Variants in LATS2 observed in about 807,000 individuals in gnomAD.
The protein encoded by LATS2 is large tumor suppressor kinase 2.
In LATS2, 24 loss-of-function variants were observed where a neutral mutation model predicts 76.0. That is an observed-to-expected ratio of 0.32 (90% CI 0.23 to 0.44). The LOEUF is 0.44. Ranked by LOEUF, LATS2 falls within the 20% of genes least tolerant of loss-of-function variation. The pLI is 1.00. For synonymous variants in LATS2, 692 were observed against 635.4 expected, an observed-to-expected ratio of 1.09 and a Z score of -1.34; for missense variants, 1,286 against 1,481.2, an observed-to-expected ratio of 0.87 and a Z score of 2.16.
At chr13:21,030,695 G>T (rs1022314123) in intron 2 of LATS2, among the ~76,000 whole-genome samples, 1 of 151,014 alleles carries the variant, frequency 6.6e-6, no homozygotes, top group Non-Finnish European at 1.5e-5. Context: ...CAGATCTATA[G>T]GTATGATAAA....
At chr13:20,999,514 G>A (rs892863532) in intron 2 of LATS2, among the ~76,000 whole-genome samples, 5 of 151,936 alleles carry the variant, frequency 3.3e-5, no homozygotes, top group Non-Finnish European at 5.9e-5. Context: ...TGTCACCCAT[G>A]CTGGAGTACA....
chr13:21,056,071 G>T (rs9552335), intron 1 of LATS2, among the ~76,000 whole-genome samples: 9,746 of 152,236 alleles, frequency 0.064, 937 homozygotes, highest in East Asian at 0.43. Context: ...AGAGAATTTG[G>T]CATTGCCATA....
At chr13:21,054,892 C>T (rs1307763679) in intron 1 of LATS2, among the ~76,000 whole-genome samples, 1 of 152,166 alleles carries the variant, frequency 6.6e-6, no homozygotes, top group Non-Finnish European at 1.5e-5. Context: ...AGGGGGAGGA[C>T]CCCACAAGCT....
chr13:21,057,635 T>TA (rs548607717), intron 1 of LATS2, among the ~76,000 whole-genome samples: 22,941 of 142,452 alleles, frequency 0.16, 2,195 homozygotes, highest in East Asian at 0.46. Flanking sequence ...CTACTAAAAG[T>TA]AAAAAAAAAA....
chr13:21,043,518 A>T (rs1336946319), intron 2 of LATS2, among the ~76,000 whole-genome samples: 1 of 152,184 alleles, frequency 6.6e-6, no homozygotes, highest in Non-Finnish European at 1.5e-5. Flanking sequence ...TGTGAGTTGG[A>T]GGGGAAAGGT....
rs950780893 is a variant in LATS2 at position 21,041,036 on chromosome 13, G to A, written c.342+4649C>T. On this transcript the variant is annotated intron_variant, in intron 2 of 7. Coordinates refer to ENST00000382592, the MANE Select transcript of LATS2 (RefSeq NM_014572.3). ...CGCCCAGGCTGGAGTACAGTGGCAC[G>A]ATCTGGGCTCACTGCAAGCTCCGCC... Among the ~76,000 whole-genome samples, 47 of 151,634 alleles carry A rather than the reference G, an allele frequency of 3.1e-4. 1 individual carries two copies. The highest frequency in any genetic ancestry group is 6.6e-5 in the Admixed American group (1 of 15,224).
intron 2 of LATS2, among the ~76,000 whole-genome samples, chr13:21,043,625 C>T (rs1025590376): frequency 6.6e-6 from 1 of 152,166 alleles, no homozygotes; most frequent in Non-Finnish European, 1.5e-5. Context: ...GGCCTTTCTG[C>T]TAGCAATTAA....
intron 2 of LATS2, among the ~76,000 whole-genome samples, chr13:21,030,822 G>A (rs1565960157): frequency 6.6e-6 from 1 of 151,982 alleles, no homozygotes; most frequent in Non-Finnish European, 1.5e-5. Context: ...TGTTTCTAGT[G>A]CTCTTCATTC....
intron 2 of LATS2, among the ~76,000 whole-genome samples, chr13:21,032,102 C>T (rs1290361055): frequency 2.6e-5 from 4 of 152,116 alleles, no homozygotes; most frequent in Non-Finnish European, 5.9e-5. Flanking sequence ...CGTTTTCTTA[C>T]CATGTGCAGT....
At chr13:21,052,636 G>C (rs1206988481) in intron 1 of LATS2, among the ~76,000 whole-genome samples, 1 of 152,154 alleles carries the variant, frequency 6.6e-6, no homozygotes, top group Admixed American at 6.5e-5. Context: ...ACAGGCGCGG[G>C]CTACCATGCC....
chr13:20,989,157 G>A lies in LATS2; in HGVS notation c.623C>T (p.Pro208Leu). Residue 208 changes from proline (P) to leucine (L), a missense_variant, in exon 4 of 8, where the codon CCG (proline) becomes CTG (leucine). Coordinates refer to ENST00000382592, the MANE Select transcript of LATS2 (RefSeq NM_014572.3). The part of the protein sequence containing the change: ...ADGPTALEEM[P>L]RPYVDYLFPG... ...GAAAAGGTAGTCCACGTACGGCCGC[G>A]GCATCTCCTCCAGCGCCGTGGGGCC... 1.2e-6 allele frequency: 2 copies of A among 1,612,568 alleles called. No individual in the cohort carries two copies. Among genetic ancestry groups the A allele is most frequent in the Non-Finnish European group, 1.7e-6 (2 of 1,179,744 alleles).
chr13:20,995,293 A>G (rs554756335), intron 2 of LATS2, among the ~76,000 whole-genome samples: 1 of 152,358 alleles, frequency 6.6e-6, no homozygotes, highest in Non-Finnish European at 1.5e-5. Context: ...TCTTCTTACA[A>G]TAATTATACA....
chr13:21,023,646 T>TAACAAAAAAAAAAA (rs1872164269), intron 2 of LATS2, among the ~76,000 whole-genome samples: 1 of 70,052 alleles, frequency 1.4e-5, no homozygotes, highest in African/African-American at 7.5e-5. Flanking sequence ...TGACTGGCTT[T>TAACAAAAAAAAAAA]AAAAAAAAAA....
At position 20,988,928 on chromosome 13, in the gene LATS2, C is replaced by T; in HGVS notation, c.852G>A (p.Gly284=). The T allele has an allele frequency of 6.6e-7, 1 of 1,524,586 alleles. No individual in the cohort carries two copies. Among genetic ancestry groups the T allele is most frequent in the South Asian group, 1.2e-5 (1 of 82,282 alleles). 94.4% of individuals were successfully genotyped at this position (1,524,586 alleles called of 1,614,324 possible). ...SFQSKTPPET[G]GYASLPTKGQ... Reference sequence around the variant, plus strand: ...CCTTCGTGGGCAGGCTGGCGTAACCCCCGGTCTCCGGCGGCGTCTTGCTCT... The same window carrying T: ...CCTTCGTGGGCAGGCTGGCGTAACCTCCGGTCTCCGGCGGCGTCTTGCTCT... Residue 284 remains glycine, a synonymous_variant, in exon 4 of 8, where the codon GGG becomes GGA. Coordinates refer to ENST00000382592, the MANE Select transcript of LATS2 (RefSeq NM_014572.3).
At chr13:20,979,902 G>T in intron 6 of LATS2, 105 bp from the exon 7 acceptor site, 2 of 665,984 alleles carry the variant, frequency 3.0e-6, no homozygotes, top group Non-Finnish European at 5.3e-6. Context: ...GTGGGAAAGC[G>T]CGTTGAAGCA....
intron 1 of LATS2, among the ~76,000 whole-genome samples, chr13:21,047,435 G>A (rs1173115163): frequency 1.3e-5 from 2 of 152,134 alleles, no homozygotes; most frequent in Non-Finnish European, 2.9e-5. Context: ...GAAGGTGCCC[G>A]CTGGTGGGAA....
At chr13:21,060,291 G>C (rs1394719133) in intron 1 of LATS2, among the ~76,000 whole-genome samples, 1 of 152,246 alleles carries the variant, frequency 6.6e-6, no homozygotes, top group Non-Finnish European at 1.5e-5. Flanking sequence ...GGCAAGATGT[G>C]AATGATGTCA....
chr13:20,996,512 G>T (rs375367921), intron 2 of LATS2, among the ~76,000 whole-genome samples: 7 of 151,868 alleles, frequency 4.6e-5, no homozygotes, highest in African/African-American at 1.5e-4. Context: ...CGAATAGCTG[G>T]GATTACATGC....
intron 7 of LATS2, among the ~76,000 whole-genome samples, chr13:20,977,818 T>C (rs542322839): frequency 6.6e-6 from 1 of 152,290 alleles, no homozygotes; most frequent in Non-Finnish European, 1.5e-5. Context: ...GGCAATTTAG[T>C]GAGTAGCTCA....
Sources: allele counts gnomAD v4.1 joint callset (sites outside exome capture counted in the v4.1 genomes callset), GRCh38; gene constraint gnomAD v4.1.1; transcripts MANE v1.5; gene names NCBI Gene and HGNC (gene_info 2026-07-23, HGNC 2026-07-21).